The following PPP5C variants were observed in gnomAD, a reference collection of about 807,000 sequenced individuals.
The protein encoded by PPP5C is protein phosphatase 5 catalytic subunit.
A neutral mutation model predicts 66.7 loss-of-function variants in PPP5C; 21 were observed. The observed-to-expected ratio is 0.31, with a 90% CI of 0.22 to 0.45. PPP5C has a LOEUF of 0.45. Ranked by LOEUF, PPP5C falls within the 20% of genes least tolerant of loss-of-function variation. The pLI, the probability that PPP5C is intolerant of heterozygous loss-of-function variation, is 1.00. For missense variants in PPP5C, 464 were observed against 675.9 expected, an observed-to-expected ratio of 0.69 and a Z score of 3.48; for synonymous variants, 246 against 257.4, an observed-to-expected ratio of 0.96 and a Z score of 0.43.
At chr19:46,387,505 A>G in intron 9 of PPP5C, 52 bp downstream of exon 9, 1 of 1,613,796 alleles carries the variant, frequency 6.2e-7, no homozygotes, top group Non-Finnish European at 8.5e-7. Flanking sequence ...GCCTGGGCTG[A>G]GCTCTCCCCT....
chr19:46,387,503 T>G (rs1490681187), intron 9 of PPP5C, 50 bp downstream of exon 9: 1 of 1,613,812 alleles, frequency 6.2e-7, no homozygotes, highest in African/African-American at 1.3e-5. Flanking sequence ...CAGCCTGGGC[T>G]GAGCTCTCCC....
intron 11 of PPP5C, among the ~76,000 whole-genome samples, chr19:46,389,841 C>T (rs1972980079): frequency 6.6e-6 from 1 of 151,734 alleles, no homozygotes; most frequent in Non-Finnish European, 1.5e-5. Context: ...CCTGCACTCC[C>T]ACCCTCTTTT....
chr19:46,383,670 T>C lies in PPP5C; in HGVS notation c.700-110T>C. On this transcript the variant is annotated intron_variant, in intron 5 of 12. Transcript: ENST00000012443. The surrounding 1 kb of genome is among the most constrained non-coding windows in gnomAD (Gnocchi z 5.0). ...GTTTGTGTTCCCTGCTTGTGTCTCT[T>C]GCATGATTCTTCTTGGTCTACTGTG... 9.4e-7 allele frequency: 1 copy of C among 1,059,604 alleles called. No individual in the cohort carries two copies. The highest frequency in any genetic ancestry group is 1.4e-5 in the South Asian group (1 of 69,520). The allele number at this position is 1,059,604 out of a possible 1,614,324, so 65.6% of individuals were successfully genotyped here. A position where few individuals can be genotyped will look rare whatever the true frequency, so the allele number is the denominator to read the frequency against.
chr19:46,368,359 C>T lies in PPP5C; in HGVS notation c.364-7245C>T, dbSNP rs372183857. Among the ~76,000 whole-genome samples the T allele has an allele frequency of 7.9e-5, 12 of 152,318 alleles. No individual in the cohort carries two copies. The East Asian group carries it at 2.1e-3, about 27-fold the overall frequency. On this transcript the variant is annotated intron_variant, in intron 2 of 12. Coordinates refer to ENST00000012443, the MANE Select transcript of PPP5C (RefSeq NM_006247.4). Reference sequence around the variant, plus strand: ...CTCCTGGACCTGCCATGCAGCTACTCGTGGCGAGTGTCCTTTCTCCATCCC... The same window carrying T: ...CTCCTGGACCTGCCATGCAGCTACTTGTGGCGAGTGTCCTTTCTCCATCCC...
At chr19:46,390,221 G>A in intron 12 of PPP5C, 63 bp from the exon 13 acceptor site, 1 of 1,604,402 alleles carries the variant, frequency 6.2e-7, no homozygotes, top group Non-Finnish European at 8.5e-7. Context: ...GGTAGGTTCT[G>A]CCGGTGGGTG....
At position 46,390,100 on chromosome 19, in the gene PPP5C, C is replaced by T. The variant is rs1195393117; in HGVS notation, c.1405C>T (p.Leu469=). ...ASYIHLQGSD[L]RPQFHQFTAV... is the part of the protein sequence containing the mutation. ...CTACATCCACCTCCAGGGCTCTGAC[C>T]TACGGCCTCAGTTCCACCAGTTCAC... The change falls in exon 12 of 13, where the codon CTA becomes TTA. Residue 469 remains leucine (L), a synonymous_variant. Transcript: ENST00000012443. 3.1e-6 allele frequency: 5 copies of T among 1,614,224 alleles called. No individual in the cohort carries two copies. The South Asian group carries it at 4.4e-5, about 14-fold the overall frequency.
intron 4 of PPP5C, among the ~76,000 whole-genome samples, chr19:46,380,627 G>A (rs771996274): frequency 2.0e-5 from 3 of 152,134 alleles, no homozygotes; most frequent in Non-Finnish European, 4.4e-5. Flanking sequence ...CTCAGCTTTG[G>A]TCTGCCTGAA....
chr19:46,364,981 TTTTA>T (rs1203819017), intron 2 of PPP5C, among the ~76,000 whole-genome samples: 5 of 151,980 alleles, frequency 3.3e-5, no homozygotes, highest in South Asian at 2.1e-4. Context: ...TTTCCTATAA[TTTTA>T]TTTATTTATT....
Position 46,347,096 on chromosome 19 carries a change from C to T in PPP5C, c.-1C>T. 1 of 1,600,290 alleles carries T rather than the reference C, an allele frequency of 6.2e-7. No individual in the cohort carries two copies. The highest frequency in any genetic ancestry group is 8.5e-7 in the Non-Finnish European group (1 of 1,174,020). ...TGCCAGGGTAGGGGTCGCTTTGCGG[C>T]ATGGCGATGGCGGAGGGCGAGAGGA... On this transcript the variant is annotated 5_prime_UTR_variant, in exon 1 of 13. Coordinates refer to ENST00000012443, the MANE Select transcript of PPP5C (RefSeq NM_006247.4).
chr19:46,381,225 A>T (rs1367362431), intron 4 of PPP5C, among the ~76,000 whole-genome samples: 1 of 151,668 alleles, frequency 6.6e-6, no homozygotes, highest in Non-Finnish European at 1.5e-5. Context: ...TAGACTTTTC[A>T]TCTCTGTGTC....
chr19:46,369,631 CAAA>C (rs34783979), intron 2 of PPP5C, among the ~76,000 whole-genome samples: 2 of 119,132 alleles, frequency 1.7e-5, no homozygotes, highest in African/African-American at 3.1e-5. Context: ...GACTCTGTCT[CAAA>C]AAAAAAAAAA....
chr19:46,348,664 T>A (rs1183671706), intron 1 of PPP5C, among the ~76,000 whole-genome samples: 1 of 151,844 alleles, frequency 6.6e-6, no homozygotes, highest in African/African-American at 2.4e-5. Context: ...GGAGAAGAAT[T>A]TGGGTGTGAT....
At chr19:46,354,187 A>G (rs1248241501) in intron 2 of PPP5C, among the ~76,000 whole-genome samples, 198 bp downstream of exon 2, 1 of 152,236 alleles carries the variant, frequency 6.6e-6, no homozygotes, top group Non-Finnish European at 1.5e-5. Context: ...TGTGACCCTG[A>G]GCCAGTTACC....
At chr19:46,348,798 C>T (rs1273828637) in intron 1 of PPP5C, among the ~76,000 whole-genome samples, 1 of 152,042 alleles carries the variant, frequency 6.6e-6, no homozygotes, top group African/African-American at 2.4e-5. Context: ...GAAAGGAAGC[C>T]AGGAAAGGTG....
intron 7 of PPP5C, 185 bp from the exon 8 acceptor site, chr19:46,386,908 C>A: frequency 1.3e-6 from 1 of 785,066 alleles, no homozygotes; most frequent in South Asian, 1.7e-5. Context: ...GGTGCTTAGC[C>A]ATGGACCTAC....
intron 2 of PPP5C, among the ~76,000 whole-genome samples, chr19:46,374,922 C>G (rs1354447505): frequency 6.6e-6 from 1 of 152,198 alleles, no homozygotes; most frequent in South Asian, 2.1e-4. Flanking sequence ...TGAACCCGGT[C>G]TCAGGGATCT....
chr19:46,385,001 T>C, intron 7 of PPP5C, 92 bp downstream of exon 7: 1 of 1,052,936 alleles, frequency 9.5e-7, no homozygotes, highest in South Asian at 1.3e-5. Flanking sequence ...TGTATTTATT[T>C]TGTGGACTCG....
chr19:46,386,291 G>A (rs540112225), intron 7 of PPP5C, among the ~76,000 whole-genome samples: 6 of 152,326 alleles, frequency 3.9e-5, no homozygotes, highest in Admixed American at 2.6e-4. Flanking sequence ...CCTGCCCATG[G>A]CGGGGCCGGG....
chr19:46,357,970 G>A (rs1444650944), intron 2 of PPP5C, among the ~76,000 whole-genome samples: 1 of 152,200 alleles, frequency 6.6e-6, no homozygotes, highest in African/African-American at 2.4e-5. Context: ...CCGGAGGTTG[G>A]AGGGTGGGGC....
Sources: allele counts gnomAD v4.1 joint callset (sites outside exome capture counted in the v4.1 genomes callset), GRCh38; gene constraint gnomAD v4.1.1; non-coding constraint Gnocchi (gnomAD v3.1); transcripts MANE v1.5; gene names NCBI Gene and HGNC (gene_info 2026-07-23, HGNC 2026-07-21).